The following PTPRD variants were observed in gnomAD, a reference collection of about 807,000 sequenced individuals.
The protein encoded by PTPRD is receptor-type tyrosine-protein phosphatase delta.
A neutral mutation model predicts 214.5 loss-of-function variants in PTPRD; 34 were observed. That is an observed-to-expected ratio of 0.16 (90% confidence interval 0.12 to 0.21). The LOEUF (loss-of-function observed/expected upper bound fraction) is 0.21, where lower values mean the gene tolerates loss of function less well. PTPRD is among the 10% of genes least tolerant of loss of function. The pLI is 1.00. For missense variants in PTPRD, 2,545 were observed against 2,398.7 expected (o/e 1.06, Z -1.27); for synonymous variants, 1,128 against 845.7 (o/e 1.33, Z -5.79).
At chr9:9,831,142 G>T (rs7856322) in intron 5 of PTPRD, among the ~76,000 whole-genome samples, 24,447 of 151,854 alleles carry the variant, frequency 0.16, 2,066 homozygotes, top group Non-Finnish European at 0.19. Flanking sequence ...TAAGCACTAT[G>T]AAGGTTAAGA....
At chr9:8,736,218 T>C (rs1485433190) in intron 11 of PTPRD, among the ~76,000 whole-genome samples, 1 of 152,142 alleles carries the variant, frequency 6.6e-6, no homozygotes, top group Non-Finnish European at 1.5e-5. Context: ...AAGCAATCAT[T>C]TGAAGTATAA....
chr9:9,555,461 C>T (rs917081202), intron 8 of PTPRD, among the ~76,000 whole-genome samples: 9 of 151,960 alleles, frequency 5.9e-5, no homozygotes, highest in African/African-American at 2.2e-4. Context: ...CTTTATTTAT[C>T]GTATTATAGT....
At chr9:8,547,439 T>G (rs1325004926) in intron 14 of PTPRD, among the ~76,000 whole-genome samples, 2 of 151,978 alleles carry the variant, frequency 1.3e-5, no homozygotes, top group Non-Finnish European at 1.5e-5. Flanking sequence ...TCTCAGGAGT[T>G]TGAGACCAGC....
chr9:10,016,807 T>G (rs996526151), intron 4 of PTPRD, among the ~76,000 whole-genome samples: 4 of 151,966 alleles, frequency 2.6e-5, no homozygotes, highest in Admixed American at 6.6e-5. Flanking sequence ...AGGGACTACA[T>G]GCATGCACCA....
At chr9:10,612,208 C>CA (rs35311745) in intron 2 of PTPRD, among the ~76,000 whole-genome samples, 190 bp downstream of exon 2, 3,229 of 126,718 alleles carry the variant, frequency 0.025, 135 homozygotes, top group African/African-American at 0.086. Context: ...AGGGCTCTTC[C>CA]AAAAAAAAAA....
At chr9:8,976,828 G>C (rs1264634899) in intron 11 of PTPRD, among the ~76,000 whole-genome samples, 1 of 152,168 alleles carries the variant, frequency 6.6e-6, no homozygotes, top group African/African-American at 2.4e-5. Flanking sequence ...AGTGGTTAAA[G>C]CAGTACACTG....
At chr9:9,908,961 T>C (rs2078401859) in intron 5 of PTPRD, among the ~76,000 whole-genome samples, 1 of 152,020 alleles carries the variant, frequency 6.6e-6, no homozygotes, top group South Asian at 2.1e-4. Context: ...TATCTGAAAC[T>C]ATTATATAGC....
chr9:10,391,381 T>C (rs1336514890), intron 2 of PTPRD, among the ~76,000 whole-genome samples: 1 of 151,654 alleles, frequency 6.6e-6, no homozygotes, highest in Non-Finnish European at 1.5e-5. Context: ...TATAATGTTT[T>C]TCCGTTACAT....
intron 3 of PTPRD, among the ~76,000 whole-genome samples, chr9:10,081,571 C>T (rs1694362415): frequency 6.6e-6 from 1 of 152,052 alleles, no homozygotes; most frequent in South Asian, 2.1e-4. Flanking sequence ...AGAGAGGGCC[C>T]TCACCGCAAC....
At chr9:9,635,538 T>C (rs1789721072) in intron 7 of PTPRD, among the ~76,000 whole-genome samples, 1 of 152,214 alleles carries the variant, frequency 6.6e-6, no homozygotes. Flanking sequence ...TGGGTTATGC[T>C]TTTACAGCTG....
chr9:9,798,643 A>T (rs537624368), intron 5 of PTPRD, among the ~76,000 whole-genome samples: 1 of 152,274 alleles, frequency 6.6e-6, no homozygotes, highest in South Asian at 2.1e-4. Context: ...CATGTTCTGA[A>T]TTCCATCAGC....
intron 12 of PTPRD, among the ~76,000 whole-genome samples, chr9:8,671,098 G>T (rs56003760): frequency 0.1 from 15,395 of 152,094 alleles, 970 homozygotes; most frequent in South Asian, 0.13. Context: ...TGCTTGGAGA[G>T]TATCAGCTTG....
intron 11 of PTPRD, among the ~76,000 whole-genome samples, chr9:8,833,683 CT>C (rs1566464896): frequency 9.8e-4 from 126 of 128,752 alleles, no homozygotes; most frequent in African/African-American, 3.9e-3. Flanking sequence ...AATGAAAACT[CT>C]CTCCTCTCTC....
At chr9:9,204,713 G>A (rs1395448600) in intron 9 of PTPRD, among the ~76,000 whole-genome samples, 1 of 152,174 alleles carries the variant, frequency 6.6e-6, no homozygotes, top group Non-Finnish European at 1.5e-5. Flanking sequence ...AACATAAATA[G>A]TGAATAGATT....
At chr9:8,421,984 C>CA (rs1207701578) in intron 35 of PTPRD, among the ~76,000 whole-genome samples, 6 of 150,894 alleles carry the variant, frequency 4.0e-5, no homozygotes, top group Admixed American at 2.0e-4. Flanking sequence ...CTCATCTCTA[C>CA]AAAAAATGAA....
intron 8 of PTPRD, among the ~76,000 whole-genome samples, chr9:9,476,935 G>A (rs10977808): frequency 0.69 from 104,453 of 151,146 alleles, 36,128 homozygotes; most frequent in South Asian, 0.73. Context: ...GGGTTTCTCT[G>A]TGTTAGTCAG....
chr9:8,450,863 C>A lies in PTPRD; in HGVS notation c.3876-1026G>T, dbSNP rs546422594. Reference sequence around the variant, plus strand: ...ACAGTGCTTTTTTTCCAAATACTAACGCCTGCAATCTCTACACCACAGTCA... The same window carrying A: ...ACAGTGCTTTTTTTCCAAATACTAAAGCCTGCAATCTCTACACCACAGTCA... On this transcript the variant is annotated intron_variant, in intron 33 of 45. Coordinates refer to ENST00000381196, the MANE Select transcript of PTPRD (RefSeq NM_002839.4). 3.9e-5 allele frequency among the ~76,000 whole-genome samples: 6 copies of A among 152,250 alleles called. No homozygotes were observed. The East Asian group carries it at 1.2e-3, about 29-fold the overall frequency.
At chr9:10,126,370 CATTTTCAAGGGTTCAGT>C (rs1209128317) in intron 3 of PTPRD, among the ~76,000 whole-genome samples, 1 of 151,622 alleles carries the variant, frequency 6.6e-6, no homozygotes, top group Non-Finnish European at 1.5e-5. Flanking sequence ...GTCTTTTACT[CATTTTCAAGGGTTCAGT>C]ATTGAAATTT....
rs1312995928 is a variant in PTPRD at position 9,426,265 on chromosome 9, G to A, written c.-236-28783C>T. On this transcript the variant is annotated intron_variant, in intron 8 of 45. Coordinates refer to ENST00000381196, the MANE Select transcript of PTPRD (RefSeq NM_002839.4). ...ATGGCACACCAGGAGATTATATTCT[G>A]CACCTGGCTCAGAGGGTCCCACGCC... Among the ~76,000 whole-genome samples, 5 of 152,302 alleles carry A rather than the reference G, an allele frequency of 3.3e-5. No individual in the cohort carries two copies. In the South Asian group the frequency reaches 8.3e-4, roughly 25 times the overall value.
Sources: allele counts gnomAD v4.1 joint callset (sites outside exome capture counted in the v4.1 genomes callset), GRCh38; gene constraint gnomAD v4.1.1; transcripts MANE v1.5; gene names NCBI Gene and HGNC (gene_info 2026-07-23, HGNC 2026-07-21).